Variants in TNFAIP8 observed in about 807,000 individuals in gnomAD.
The protein encoded by TNFAIP8 is TNF alpha induced protein 8.
In TNFAIP8, 7 loss-of-function variants were observed where a neutral mutation model predicts 13.3. The observed-to-expected ratio is 0.52, with a 90% CI of 0.30 to 0.99. The LOEUF is 0.99. Among genes scored for constraint, TNFAIP8 ranks in the 50% least tolerant of loss-of-function variants. TNFAIP8 has a pLI of 0.07. For missense variants in TNFAIP8, 258 were observed against 236.9 expected (o/e 1.09, Z -0.58); for synonymous variants, 94 against 87.6 (o/e 1.07, Z -0.41).
At chr5:119,388,084 G>T (rs76831049) in intron 1 of TNFAIP8, among the ~76,000 whole-genome samples, 6 of 152,188 alleles carry the variant, frequency 3.9e-5, no homozygotes, top group African/African-American at 1.2e-4. Context: ...CATAGATCCA[G>T]CCAGAAGTAG....
rs189716538 is a variant in TNFAIP8, at chr5:119,303,052, A to C, written c.1+34145A>C. ...CACTCTTCAGCTCCTCCTCCCTGTT[A>C]GAAAGACTCCCTTCATGTGCCTAGT... On this transcript the variant is annotated intron_variant, in intron 1 of 1. Transcript: ENST00000274456. Among the ~76,000 whole-genome samples, 59 of 152,268 alleles carry C rather than the reference A, an allele frequency of 3.9e-4. 2 individuals are homozygous for C. The highest frequency in any genetic ancestry group is 1.7e-3 in the Admixed American group (26 of 15,290).
intron 1 of TNFAIP8, among the ~76,000 whole-genome samples, chr5:119,371,415 T>G (rs1345336634): frequency 6.6e-6 from 1 of 152,132 alleles, no homozygotes; most frequent in African/African-American, 2.4e-5. Context: ...TAAAGATGAA[T>G]GCTGAAAATG....
chr5:119,336,183 G>C (rs1750546786), intron 1 of TNFAIP8, among the ~76,000 whole-genome samples: 1 of 152,172 alleles, frequency 6.6e-6, no homozygotes. Flanking sequence ...CTGGGCATGA[G>C]ATGAGAAGCC....
chr5:119,309,881 C>T (rs148273700), intron 1 of TNFAIP8, among the ~76,000 whole-genome samples: 188 of 152,332 alleles, frequency 1.2e-3, no homozygotes, highest in African/African-American at 4.3e-3. Flanking sequence ...GCTTCCCAAG[C>T]GTGAGGCTTT....
At chr5:119,346,505 G>A (rs1449012347) in intron 1 of TNFAIP8, among the ~76,000 whole-genome samples, 2 of 152,124 alleles carry the variant, frequency 1.3e-5, no homozygotes, top group African/African-American at 2.4e-5. Context: ...AGTAATGAAG[G>A]GTGAATTTCG....
In TNFAIP8 at chr5:119,291,115, A is replaced by G. The variant is rs554203445; in HGVS notation, c.1+22208A>G. ...TATTATCCAGGTAGTCAGCTCTCTA[A>G]TTTCTAAAATTGTGTAACACTTTTG... On this transcript the variant is annotated intron_variant, in intron 1 of 1. Transcript: ENST00000274456. 1.8e-3 allele frequency among the ~76,000 whole-genome samples: 280 copies of G among 152,254 alleles called. 1 individual carries two copies. The highest frequency in any genetic ancestry group is 6.4e-3 in the African/African-American group (264 of 41,544).
rs113931047 is a variant in TNFAIP8 at position 119,279,346 on chromosome 5, A to G, written c.1+10439A>G. Among the ~76,000 whole-genome samples the G allele has an allele frequency of 3.6e-3, 545 of 152,174 alleles. 2 individuals carry two copies. Among genetic ancestry groups the G allele is most frequent in the African/African-American group, 0.012 (517 of 41,508 alleles). On this transcript the variant is annotated intron_variant, in intron 1 of 1. Coordinates refer to the TNFAIP8 transcript ENST00000274456. The stretch of plus-strand genomic sequence containing the variant: ...ACTCTCAAAGGCTGTTGCCTCTCCA[A>G]CCAGTCTGGTTCTGCTACAAAGCTT...
chr5:119,360,911 C>T (rs542744470), intron 1 of TNFAIP8, among the ~76,000 whole-genome samples: 1 of 152,312 alleles, frequency 6.6e-6, no homozygotes, highest in South Asian at 2.1e-4. Context: ...CAAGTAGATC[C>T]TATTAGATCC....
rs75129305 is a variant in TNFAIP8 at position 119,356,806 on chromosome 5, A to G, written c.31+685A>G. On this transcript the variant is annotated intron_variant, in intron 1 of 1. Coordinates refer to ENST00000504771, the MANE Select transcript of TNFAIP8 (RefSeq NM_014350.4). ...CTGGAAAAGCTCCAACCAAAACACAATTATACGCTGGTGTTAGTTTGGGGA... is the reference window on the plus strand; with the variant it reads ...CTGGAAAAGCTCCAACCAAAACACAGTTATACGCTGGTGTTAGTTTGGGGA... 5.4e-3 allele frequency among the ~76,000 whole-genome samples: 816 copies of G among 152,124 alleles called. 8 individuals are homozygous for G. Among genetic ancestry groups the G allele is most frequent in the African/African-American group, 0.016 (649 of 41,474 alleles).
At chr5:119,273,263 C>T (rs554080674) in intron 1 of TNFAIP8, among the ~76,000 whole-genome samples, 2 of 152,264 alleles carry the variant, frequency 1.3e-5, no homozygotes, top group South Asian at 2.1e-4. Context: ...GCAGAAGGCA[C>T]CCATTAAGTG....
intron 1 of TNFAIP8, among the ~76,000 whole-genome samples, chr5:119,324,330 T>A (rs1750152867): frequency 7.5e-6 from 1 of 133,444 alleles, no homozygotes; most frequent in Non-Finnish European, 1.6e-5. Flanking sequence ...AGTTCCAAGT[T>A]CAACATTCCC....
intron 1 of TNFAIP8, among the ~76,000 whole-genome samples, chr5:119,290,545 T>A (rs1211290983): frequency 6.6e-6 from 1 of 152,194 alleles, no homozygotes; most frequent in Non-Finnish European, 1.5e-5. Flanking sequence ...GCCTCAGATG[T>A]CTCCTATGAT....
chr5:119,305,048 A>G (rs1232500786), intron 1 of TNFAIP8, among the ~76,000 whole-genome samples: 2 of 152,172 alleles, frequency 1.3e-5, no homozygotes, highest in East Asian at 3.8e-4. Context: ...TCAATCTGTA[A>G]ACTCCAAGCT....
chr5:119,294,167 G>C (rs1384191614), intron 1 of TNFAIP8, among the ~76,000 whole-genome samples: 3 of 151,544 alleles, frequency 2.0e-5, no homozygotes, highest in African/African-American at 4.9e-5. Context: ...TTTAGCATTA[G>C]GTATATCTCC....
At chr5:119,344,862 G>A (rs1750849046) in intron 1 of TNFAIP8, among the ~76,000 whole-genome samples, 1 of 152,112 alleles carries the variant, frequency 6.6e-6, no homozygotes. Context: ...TATTAAGTAC[G>A]GTTAATATTA....
intron 1 of TNFAIP8, among the ~76,000 whole-genome samples, chr5:119,300,730 C>G (rs1177272686): frequency 6.6e-6 from 1 of 152,160 alleles, no homozygotes; most frequent in Non-Finnish European, 1.5e-5. Context: ...TTAGTGCTGG[C>G]TCTGCTTGAC....
chr5:119,382,829 C>G (rs1023757927), intron 1 of TNFAIP8, among the ~76,000 whole-genome samples: 20 of 152,208 alleles, frequency 1.3e-4, no homozygotes, highest in African/African-American at 4.6e-4. Context: ...GTCTTGTACT[C>G]CCCTATTTGC....
intron 1 of TNFAIP8, among the ~76,000 whole-genome samples, chr5:119,323,060 G>A (rs1169468493): frequency 1.3e-5 from 2 of 152,074 alleles, no homozygotes; most frequent in Non-Finnish European, 2.9e-5. Context: ...CAGTTCTCCC[G>A]TGAATAGCTG....
At chr5:119,296,768 G>C (rs1258271945) in intron 1 of TNFAIP8, among the ~76,000 whole-genome samples, 1 of 151,784 alleles carries the variant, frequency 6.6e-6, no homozygotes, top group Admixed American at 6.6e-5. Flanking sequence ...GACTCTTTTT[G>C]GTTGGTAAGC....
Sources: allele counts gnomAD v4.1 joint callset (sites outside exome capture counted in the v4.1 genomes callset), GRCh38; gene constraint gnomAD v4.1.1; transcripts MANE v1.5; gene names NCBI Gene and HGNC (gene_info 2026-07-23, HGNC 2026-07-21).